Variants in MGA observed in about 807,000 individuals in gnomAD.
MGA encodes the protein MAX dimerization protein MGA.
Under a neutral mutation model 261.1 loss-of-function variants are expected in MGA, and 40 were observed. That is an observed-to-expected ratio of 0.15 (90% CI 0.12 to 0.20). The LOEUF (loss-of-function observed/expected upper bound fraction) is 0.20. MGA is among the 10% of genes least tolerant of loss of function. The pLI is 1.00. For synonymous variants in MGA, 1,302 were observed against 1,290.6 expected, an observed-to-expected ratio of 1.01 and a Z score of -0.19; for missense variants, 3,397 against 3,630.5, an observed-to-expected ratio of 0.94 and a Z score of 1.65.
intron 1 of MGA, among the ~76,000 whole-genome samples, chr15:41,665,465 C>A (rs547873333): frequency 4.6e-5 from 7 of 151,982 alleles, no homozygotes; most frequent in East Asian, 3.9e-4. Context: ...CAGCTCACTG[C>A]AGCCTTGGCC....
chr15:41,763,653 G>T (rs1364908144), intron 22 of MGA, among the ~76,000 whole-genome samples: 9 of 151,988 alleles, frequency 5.9e-5, no homozygotes, highest in Admixed American at 5.9e-4. Flanking sequence ...TGAGGCAGGA[G>T]AATCACTTTA....
intron 12 of MGA, 25 bp from the exon 13 acceptor site, chr15:41,736,152 TTTTC>T: frequency 6.9e-7 from 1 of 1,453,566 alleles, no homozygotes; most frequent in Non-Finnish European, 9.1e-7. Context: ...TCTTTCAACT[TTTTC>T]TTTTTTATTA....
At chr15:41,656,377 T>TCTCTCCCTCTCTCTCA (rs1555403733), upstream of MGA, among the ~76,000 whole-genome samples, 1 of 68,276 alleles carries the variant, frequency 1.5e-5, no homozygotes, top group African/African-American at 3.8e-5. Flanking sequence ...TCTCTCTCTC[T>TCTCTCCCTCTCTCTCA]CACACCCAGG....
At chr15:41,660,168 C>A (rs535025638), upstream of MGA, among the ~76,000 whole-genome samples, 20 of 152,350 alleles carry the variant, frequency 1.3e-4, no homozygotes, top group African/African-American at 4.6e-4. Context: ...TTAGGTGCCT[C>A]CCTCCTGCCT....
intron 1 of MGA, among the ~76,000 whole-genome samples, chr15:41,664,442 G>A (rs1246149183): frequency 6.6e-6 from 1 of 152,208 alleles, no homozygotes; most frequent in Non-Finnish European, 1.5e-5. Flanking sequence ...CTCTGTCTTG[G>A]TTTTACTGGT....
chr15:41,743,088 G>A lies in MGA; in HGVS notation c.5128G>A (p.Val1710Met), dbSNP rs759260692. 8 of 1,613,750 alleles carry A rather than the reference G, an allele frequency of 5.0e-6. No homozygotes were observed. The highest frequency in any genetic ancestry group is 6.8e-6 in the Non-Finnish European group (8 of 1,179,872). Residue 1710 changes from valine (V) to methionine (M), a missense_variant, in exon 15 of 24, where the codon GTG becomes ATG. Transcript: ENST00000219905. Reference sequence around the variant, plus strand: ...GACTGCAGCTGCATCTTCCTCCATGGTGACCACACCAACTTCATCTCTGGG... The same window carrying A: ...GACTGCAGCTGCATCTTCCTCCATGATGACCACACCAACTTCATCTCTGGG...
intron 14 of MGA, among the ~76,000 whole-genome samples, chr15:41,741,346 CAAAAAAAAA>C (rs11389766): frequency 1.4e-5 from 1 of 72,340 alleles, no homozygotes; most frequent in African/African-American, 5.8e-5. Flanking sequence ...ACTCCATCTC[CAAAAAAAAA>C]AAAAAAAAAA....
chr15:41,698,276 C>G (rs192496265), intron 3 of MGA, among the ~76,000 whole-genome samples: 209 of 148,118 alleles, frequency 1.4e-3, no homozygotes, highest in African/African-American at 4.9e-3. Context: ...TCAAGCAGTT[C>G]CCCTGCCTCA....
intron 1 of MGA, among the ~76,000 whole-genome samples, chr15:41,666,095 A>G (rs1036386697): frequency 2.1e-5 from 3 of 140,178 alleles, no homozygotes; most frequent in Non-Finnish European, 4.6e-5. Flanking sequence ...CTGACTGGCT[A>G]TTTTGACCAG....
At chr15:41,719,494 A>G (rs1206443646) in intron 9 of MGA, among the ~76,000 whole-genome samples, 2 of 152,188 alleles carry the variant, frequency 1.3e-5, no homozygotes, top group Admixed American at 1.3e-4. Flanking sequence ...TAATCCCAGC[A>G]CTTCAGGAGG....
At chr15:41,751,230 T>A (rs920610009) in intron 17 of MGA, 3 of 152,286 alleles carry the variant, frequency 2.0e-5, no homozygotes, top group Non-Finnish European at 4.4e-5. Flanking sequence ...AAGTTTTTTT[T>A]ATAGGATTCC....
rs1248167201 is a variant in MGA, at chr15:41,739,128, T to TA, written c.4435-915dup. Reference sequence around the variant, plus strand: ...TTGGGAAGTTTTTGTTTTCTTTCTTTAAAAAAAAAAGAAAAGAAATCAACC... The same window carrying TA: ...TTGGGAAGTTTTTGTTTTCTTTCTTTAAAAAAAAAAAGAAAAGAAATCAACC... On this transcript the variant is annotated intron_variant, in intron 13 of 23. Transcript: ENST00000219905. 8.7e-4 allele frequency among the ~76,000 whole-genome samples: 129 copies of TA among 148,152 alleles called. 1 individual carries two copies. The highest frequency in any genetic ancestry group is 3.5e-3 in the Middle Eastern group (1 of 288).
intron 15 of MGA, among the ~76,000 whole-genome samples, chr15:41,747,957 C>T (rs1386037435): frequency 1.3e-5 from 2 of 152,140 alleles, no homozygotes; most frequent in Non-Finnish European, 2.9e-5. Flanking sequence ...GAAGCAAGGT[C>T]AGATTCTGTG....
At chr15:41,639,769 C>T (rs907387499) in intron 1 of MGA, among the ~76,000 whole-genome samples, 12 of 152,056 alleles carry the variant, frequency 7.9e-5, no homozygotes, top group African/African-American at 1.4e-4. Context: ...AGGATGGTCT[C>T]GATCTCCTGA....
At position 41,749,740 on chromosome 15, in the gene MGA, G is replaced by A. The variant is rs2062728085; in HGVS notation, c.6133G>A (p.Val2045Ile). 6.2e-7 allele frequency: 1 copy of A among 1,613,882 alleles called. No individual in the cohort carries two copies. Among genetic ancestry groups the A allele is most frequent in the Admixed American group, 1.7e-5 (1 of 59,998 alleles). Reference sequence around the variant, plus strand: ...CCTTCCAGAAGAAGGTTGTGCAACTGTCAAACCATCTGAGCATTCCTGTAT... The same window carrying A: ...CCTTCCAGAAGAAGGTTGTGCAACTATCAAACCATCTGAGCATTCCTGTAT... The change falls in exon 17 of 24, where the codon GTC becomes ATC. Residue 2045 changes from valine (V) to isoleucine (I), a missense_variant. Coordinates refer to ENST00000219905, the MANE Select transcript of MGA (RefSeq NM_001164273.2).
intron 1 of MGA, among the ~76,000 whole-genome samples, chr15:41,643,314 C>T (rs2056865018): frequency 6.6e-6 from 1 of 151,510 alleles, no homozygotes; most frequent in African/African-American, 2.4e-5. Flanking sequence ...GACCTTGGCT[C>T]ACTGCAACCT....
intron 21 of MGA, 22 bp from the exon 22 acceptor site, chr15:41,762,106 TA>T (rs775271119): frequency 2.3e-4 from 365 of 1,558,214 alleles, no homozygotes; most frequent in Middle Eastern, 3.4e-4. Flanking sequence ...CTGAAAGTGC[TA>T]ATGTATTCTG....
Position 41,749,879 on chromosome 15 carries a change from A to G in MGA, c.6272A>G (p.Glu2091Gly). The change falls in exon 17 of 24, where the codon GAA becomes GGA. Residue 2091 changes from glutamate to glycine, a missense_variant. Physicochemically the swap from Glu to Gly is moderately conservative, Grantham distance 98. Coordinates refer to ENST00000219905, the MANE Select transcript of MGA (RefSeq NM_001164273.2). ...GTTCTGGAAGTTAGGACCATTTCTG[A>G]AAAAGCCAGTAATAAGACAGTCCAA... 6.2e-7 allele frequency: 1 copy of G among 1,613,990 alleles called. No individual in the cohort carries two copies. The highest frequency in any genetic ancestry group is 8.5e-7 in the Non-Finnish European group (1 of 1,179,892).
chr15:41,761,724 CTA>C lies in MGA; in HGVS notation c.7399-13_7399-12del, dbSNP rs1367145992. ...AGTGGATCAATTTTCAATAATACCA[CTA>C]TTTGTATTCTAGGCCTTCAGTGAAA... On this transcript the variant is annotated splice_polypyrimidine_tract_variant and intron_variant, in intron 20 of 23. Transcript: ENST00000219905. 6.7e-7 allele frequency: 1 copy of C among 1,490,436 alleles called. No individual in the cohort carries two copies. Among genetic ancestry groups the C allele is most frequent in the South Asian group, 1.2e-5 (1 of 82,696 alleles). 92.3% of individuals were successfully genotyped at this position (1,490,436 alleles called of 1,614,324 possible). A position where few individuals can be genotyped will look rare whatever the true frequency, so the allele number is the denominator to read the frequency against.
Sources: allele counts gnomAD v4.1 joint callset (sites outside exome capture counted in the v4.1 genomes callset), GRCh38; gene constraint gnomAD v4.1.1; transcripts MANE v1.5; gene names NCBI Gene and HGNC (gene_info 2026-07-23, HGNC 2026-07-21).